The following CALU variants were observed in gnomAD, a reference collection of about 807,000 sequenced individuals.
CALU encodes IEF SSP 9302.
Under a neutral mutation model 37.5 loss-of-function variants are expected in CALU, and 13 were observed. The ratio of observed to expected loss-of-function variants is 0.35; its 90% CI spans 0.23 to 0.55. The LOEUF is 0.55. Ranked by LOEUF, CALU falls within the 20% of genes least tolerant of loss-of-function variation. The pLI is 0.89. For missense variants in CALU, 282 were observed against 391.7 expected, an observed-to-expected ratio of 0.72 and a Z score of 2.36; for synonymous variants, 114 against 133.8, an observed-to-expected ratio of 0.85 and a Z score of 1.02.
intron 6 of CALU, among the ~76,000 whole-genome samples, chr7:128,768,853 A>AAAAAAAAAAAAAAAAAAAAAAAAC (rs1226588691): frequency 1.3e-5 from 2 of 148,660 alleles, no homozygotes; most frequent in African/African-American, 5.0e-5. Context: ...GTCTCAAAAA[A>AAAAAAAAAAAAAAAAAAAAAAAAC]AAAAAAAAAA....
At chr7:128,758,733 C>T (rs1044120118) in intron 3 of CALU, 138 bp from the exon 4 acceptor site, 29 of 631,450 alleles carry the variant, frequency 4.6e-5, no homozygotes, top group South Asian at 2.3e-4. Context: ...TGTCTTTGTA[C>T]TGCTGCAGTT....
chr7:128,748,833 G>A, intron 2 of CALU, 29 bp downstream of exon 2: 1 of 1,457,358 alleles, frequency 6.9e-7, no homozygotes, highest in South Asian at 1.1e-5. Flanking sequence ...GGGGTCTAGT[G>A]TGGGTAATGA....
intron 3 of CALU, among the ~76,000 whole-genome samples, chr7:128,758,110 G>A (rs1349527665): frequency 6.6e-6 from 1 of 151,224 alleles, no homozygotes; most frequent in Non-Finnish European, 1.5e-5. Context: ...CCATTCCCCC[G>A]TCCCTAGGCA....
At chr7:128,746,799 C>T (rs1185188957) in intron 1 of CALU, among the ~76,000 whole-genome samples, 103 of 131,606 alleles carry the variant, frequency 7.8e-4, no homozygotes, top group African/African-American at 2.7e-3. Context: ...GACGGAGTCT[C>T]ACTCTGTAGC....
intron 5 of CALU, among the ~76,000 whole-genome samples, chr7:128,763,099 T>TA (rs1801186529): frequency 6.6e-6 from 1 of 152,208 alleles, no homozygotes. Flanking sequence ...TCCCAATCAT[T>TA]ATGTCATTTC....
At chr7:128,750,510 G>A (rs951392167) in intron 2 of CALU, among the ~76,000 whole-genome samples, 2 of 152,226 alleles carry the variant, frequency 1.3e-5, no homozygotes, top group African/African-American at 4.8e-5. Flanking sequence ...TGTCACATAT[G>A]CAGATTCTGT....
intron 5 of CALU, among the ~76,000 whole-genome samples, chr7:128,766,335 A>C (rs1042334726): frequency 6.6e-6 from 1 of 152,078 alleles, no homozygotes; most frequent in Non-Finnish European, 1.5e-5. Flanking sequence ...TTTTAAAGCA[A>C]AGAATTTAAA....
chr7:128,757,150 CTATT>C (rs1800915899), intron 3 of CALU, among the ~76,000 whole-genome samples: 1 of 151,924 alleles, frequency 6.6e-6, no homozygotes, highest in Non-Finnish European at 1.5e-5. Flanking sequence ...TGCTATTAGG[CTATT>C]TGAGTCCAGT....
chr7:128,759,812 T>C lies in CALU; in HGVS notation c.603T>C (p.Asp201=). 7.2e-7 allele frequency: 1 copy of C among 1,388,576 alleles called. No homozygotes were observed. Among genetic ancestry groups the C allele is most frequent in the Non-Finnish European group, 1.0e-6 (1 of 974,606 alleles). 86.0% of individuals were successfully genotyped at this position (1,388,576 alleles called of 1,614,324 possible). Reference sequence around the variant, plus strand: ...TTTAGGAAACAATGGAAGATATAGATAAGAATGCTGATGGTTTCATTGATC... The same window carrying C: ...TTTAGGAAACAATGGAAGATATAGACAAGAATGCTGATGGTTTCATTGATC... ...IVVQETMEDI[D]KNADGFIDLE... The change falls in exon 5 of 7, where the codon GAT becomes GAC. Residue 201 remains aspartate (D), a synonymous_variant. Coordinates refer to ENST00000249364, the MANE Select transcript of CALU (RefSeq NM_001219.5).
rs1801617364 is a variant in CALU at position 128,772,363 on chromosome 7, G to C, written c.*3196G>C. On this transcript the variant is annotated 3_prime_UTR_variant, in exon 7 of 7. Transcript: ENST00000249364. ...CTGAAATAGACCAGTGGAAACAGTA[G>C]CTTTGTAGGCAAGAAGGCAATAGTA... 2 of 704,730 alleles carry C rather than the reference G, an allele frequency of 2.8e-6. No individual in the cohort carries two copies. Among genetic ancestry groups the C allele is most frequent in the Non-Finnish European group, 4.8e-6 (2 of 417,280 alleles). 43.7% of individuals were successfully genotyped at this position (704,730 alleles called of 1,614,324 possible).
Position 128,748,570 on chromosome 7 carries a change from A to C in CALU, c.-11-3A>C, listed in dbSNP as rs1324983140. The stretch of plus-strand genomic sequence containing the variant: ...GAATTAACTGCTTTTCATTTTCTTC[A>C]AGATCTAATTATCATGGACCTGCGA... On this transcript the variant is annotated splice_polypyrimidine_tract_variant and splice_region_variant and intron_variant, in intron 1 of 6. Coordinates refer to ENST00000249364, the MANE Select transcript of CALU (RefSeq NM_001219.5). 1 of 1,605,168 alleles carries C rather than the reference A, an allele frequency of 6.2e-7. No individual in the cohort carries two copies. The highest frequency in any genetic ancestry group is 1.1e-5 in the South Asian group (1 of 89,886).
At chr7:128,749,110 C>T (rs934018710) in intron 2 of CALU, among the ~76,000 whole-genome samples, 2 of 151,970 alleles carry the variant, frequency 1.3e-5, no homozygotes, top group African/African-American at 4.8e-5. Flanking sequence ...GGGGGGATTT[C>T]TCATCTCTTC....
rs1316572513 is a variant in CALU, at chr7:128,773,166, G to T, written c.*3999G>T. Among the ~76,000 whole-genome samples, 1 of 152,226 alleles carries T rather than the reference G, an allele frequency of 6.6e-6. No individual in the cohort carries two copies. The highest frequency in any genetic ancestry group is 2.4e-5 in the African/African-American group (1 of 41,458). On this transcript the variant is annotated 3_prime_UTR_variant, in exon 7 of 7. Coordinates refer to ENST00000249364, the MANE Select transcript of CALU (RefSeq NM_001219.5). ...GATATTTTAGAGATTTTTGCATGTG[G>T]TATGATTTCTGTGCTTCACACATGC...
At chr7:128,764,163 C>T (rs1304038032) in intron 5 of CALU, among the ~76,000 whole-genome samples, 1 of 152,090 alleles carries the variant, frequency 6.6e-6, no homozygotes. Context: ...TGCCGTAGCT[C>T]ATTCCTGTAA....
At chr7:128,764,440 T>C (rs1215309840) in intron 5 of CALU, among the ~76,000 whole-genome samples, 1 of 152,054 alleles carries the variant, frequency 6.6e-6, no homozygotes, top group African/African-American at 2.4e-5. Flanking sequence ...GAAAAAAGAA[T>C]AATCTCTGTT....
At chr7:128,746,533 A>C (rs537164348) in intron 1 of CALU, among the ~76,000 whole-genome samples, 1 of 151,840 alleles carries the variant, frequency 6.6e-6, no homozygotes, top group African/African-American at 2.4e-5. Context: ...AGCTAACTGC[A>C]ACCTCCACCT....
intron 1 of CALU, among the ~76,000 whole-genome samples, chr7:128,747,327 T>C (rs778871284): frequency 2.0e-5 from 3 of 152,194 alleles, no homozygotes; most frequent in Non-Finnish European, 4.4e-5. Flanking sequence ...ATGGGTTTCA[T>C]GGTCTTGCTT....
Position 128,772,284 on chromosome 7 carries a change from A to G in CALU, c.*3117A>G, listed in dbSNP as rs1233554778. Among the ~76,000 whole-genome samples the G allele has an allele frequency of 6.6e-6, 1 of 152,162 alleles. No individual in the cohort carries two copies. Among genetic ancestry groups the G allele is most frequent in the East Asian group, 1.9e-4 (1 of 5,194 alleles). ...GAAATCAGTTCTCCAAGTGCTGTGA[A>G]TGGTGCCACTTAGGAGTAGAAACTG... is the stretch of plus-strand genomic sequence containing the variant. On this transcript the variant is annotated 3_prime_UTR_variant, in exon 7 of 7. Transcript: ENST00000249364.
intron 3 of CALU, 33 bp downstream of exon 3, chr7:128,754,488 G>A: frequency 6.2e-7 from 1 of 1,605,978 alleles, no homozygotes; most frequent in Non-Finnish European, 8.5e-7. Flanking sequence ...AAAAAGCCTT[G>A]TGGAGCTGGC....
Sources: allele counts gnomAD v4.1 joint callset (sites outside exome capture counted in the v4.1 genomes callset), GRCh38; gene constraint gnomAD v4.1.1; transcripts MANE v1.5; gene names NCBI Gene and HGNC (gene_info 2026-07-23, HGNC 2026-07-21).